HECW2: variants seen among roughly 807,000 people sequenced by gnomAD.
HECW2 encodes HECT, C2 and WW domain containing E3 ubiquitin protein ligase 2.
A neutral mutation model predicts 175.2 loss-of-function variants in HECW2; 61 were observed. The observed-to-expected ratio is 0.35, with a 90% CI of 0.28 to 0.43. HECW2 has a LOEUF of 0.43. HECW2 is among the 20% of genes least tolerant of loss of function. The pLI, the probability that HECW2 is intolerant of heterozygous loss-of-function variation, is 1.00. For synonymous variants in HECW2, 671 were observed against 731.0 expected (o/e 0.92, Z 1.32); for missense variants, 1,524 against 2,000.5 (o/e 0.76, Z 4.54).
intron 9 of HECW2, among the ~76,000 whole-genome samples, chr2:196,318,011 T>C (rs572502500): frequency 2.0e-5 from 3 of 152,198 alleles, no homozygotes; most frequent in Admixed American, 6.5e-5. Flanking sequence ...CTTTGATGCA[T>C]AGCATACATT....
intron 17 of HECW2, among the ~76,000 whole-genome samples, chr2:196,259,768 A>C (rs887408328): frequency 6.6e-6 from 1 of 152,204 alleles, no homozygotes; most frequent in African/African-American, 2.4e-5. Context: ...TTCTGATAAG[A>C]GATGTAAATG....
chr2:196,506,945 G>A (rs943119361), intron 1 of HECW2, among the ~76,000 whole-genome samples: 1 of 151,802 alleles, frequency 6.6e-6, no homozygotes, highest in African/African-American at 2.4e-5. Context: ...TATACAGAAA[G>A]GATTTTAAAG....
At chr2:196,581,555 T>C (rs13425913) in intron 1 of HECW2, among the ~76,000 whole-genome samples, 1 of 151,894 alleles carries the variant, frequency 6.6e-6, no homozygotes, top group African/African-American at 2.4e-5. Context: ...AAATAAAAGA[T>C]AAAAATAATA....
chr2:196,481,764 T>C (rs890927271), intron 1 of HECW2, among the ~76,000 whole-genome samples: 2 of 137,986 alleles, frequency 1.4e-5, no homozygotes, highest in African/African-American at 6.7e-5. Flanking sequence ...CTAAGCTATA[T>C]GGAAGACAAA....
intron 4 of HECW2, among the ~76,000 whole-genome samples, chr2:196,332,332 T>C (rs1692394630): frequency 1.3e-5 from 2 of 152,328 alleles, no homozygotes; most frequent in East Asian, 1.9e-4. Context: ...CATGCTATTA[T>C]AGAAACATAG....
chr2:196,378,032 G>A (rs556418836), intron 2 of HECW2, among the ~76,000 whole-genome samples: 6 of 152,290 alleles, frequency 3.9e-5, no homozygotes, highest in Non-Finnish European at 5.9e-5. Context: ...AGTTTTGCAC[G>A]TATTACTCTA....
At chr2:196,251,052 C>T (rs866665659) in intron 19 of HECW2, among the ~76,000 whole-genome samples, 92 of 152,174 alleles carry the variant, frequency 6.0e-4, no homozygotes, top group African/African-American at 1.1e-3. Context: ...GCCCTATCCC[C>T]CTTTTGAGAC....
Position 196,201,082 on chromosome 2 carries a change from C to A in HECW2, c.*195G>T. 1.9e-6 allele frequency: 1 copy of A among 535,132 alleles called. No individual in the cohort carries two copies. The highest frequency in any genetic ancestry group is 3.4e-6 in the Non-Finnish European group (1 of 293,646). 33.1% of individuals were successfully genotyped at this position (535,132 alleles called of 1,614,324 possible). On this transcript the variant is annotated 3_prime_UTR_variant, in exon 29 of 29. Coordinates refer to ENST00000644978, the MANE Select transcript of HECW2 (RefSeq NM_001348768.2). ...GACGGTTGGGTTGTTCCCTGGGCAT[C>A]AAGCTCACCCAAATCCTTCCAAGAG...
intron 1 of HECW2, among the ~76,000 whole-genome samples, chr2:196,491,795 C>A (rs1234219393): frequency 2.0e-5 from 3 of 151,810 alleles, no homozygotes; most frequent in Non-Finnish European, 4.4e-5. Flanking sequence ...GGTCTCAAAT[C>A]TAATCTCTTC....
chr2:196,395,724 A>G (rs1694643225), intron 2 of HECW2, among the ~76,000 whole-genome samples: 2 of 151,620 alleles, frequency 1.3e-5, no homozygotes, highest in Non-Finnish European at 2.9e-5. Flanking sequence ...TTAAAAAAAG[A>G]AAATCATAAA....
chr2:196,404,657 A>T (rs1467239533), intron 2 of HECW2, among the ~76,000 whole-genome samples: 1 of 152,092 alleles, frequency 6.6e-6, no homozygotes, highest in Non-Finnish European at 1.5e-5. Context: ...CACCAGTTCC[A>T]GTGCTCCCAC....
At chr2:196,515,999 T>C (rs1230068829) in intron 1 of HECW2, among the ~76,000 whole-genome samples, 1 of 150,200 alleles carries the variant, frequency 6.7e-6, no homozygotes, top group Non-Finnish European at 1.5e-5. Context: ...TAGTTGGACA[T>C]GGTGGCTCAT....
intron 18 of HECW2, 42 bp from the exon 19 acceptor site, chr2:196,254,071 T>C (rs746171960): frequency 6.2e-7 from 1 of 1,608,114 alleles, no homozygotes. Flanking sequence ...TCAGCCAAAG[T>C]AGTGGGGAAA....
At chr2:196,352,964 C>T (rs934270526) in intron 2 of HECW2, among the ~76,000 whole-genome samples, 3 of 152,226 alleles carry the variant, frequency 2.0e-5, no homozygotes, top group Admixed American at 2.0e-4. Context: ...AGAAACATGT[C>T]TCTCTTCTGT....
intron 2 of HECW2, among the ~76,000 whole-genome samples, chr2:196,391,164 C>A (rs534256533): frequency 1.3e-5 from 2 of 152,134 alleles, no homozygotes; most frequent in Non-Finnish European, 2.9e-5. Context: ...TATATAGTCT[C>A]TCTGCAGGTT....
chr2:196,568,190 G>C (rs1475811526), intron 1 of HECW2, among the ~76,000 whole-genome samples: 1 of 151,818 alleles, frequency 6.6e-6, no homozygotes, highest in Non-Finnish European at 1.5e-5. Context: ...TTAAAAATTT[G>C]GGAAAAAAGT....
chr2:196,555,783 T>C (rs1015629693), intron 1 of HECW2, among the ~76,000 whole-genome samples: 3 of 152,236 alleles, frequency 2.0e-5, no homozygotes, highest in Non-Finnish European at 2.9e-5. Flanking sequence ...TGGTTTTCCA[T>C]TGCTCTTACA....
chr2:196,478,932 G>A (rs563399986), intron 1 of HECW2, among the ~76,000 whole-genome samples: 1 of 152,270 alleles, frequency 6.6e-6, no homozygotes, highest in South Asian at 2.1e-4. Context: ...AGAAAGAAGA[G>A]GCCAAGCGGC....
chr2:196,516,902 T>C (rs913398989), intron 1 of HECW2, among the ~76,000 whole-genome samples: 7 of 152,288 alleles, frequency 4.6e-5, no homozygotes, highest in African/African-American at 1.4e-4. Context: ...CCAGGCAAAA[T>C]ATCCCATTCC....
Sources: allele counts gnomAD v4.1 joint callset (sites outside exome capture counted in the v4.1 genomes callset), GRCh38; gene constraint gnomAD v4.1.1; transcripts MANE v1.5; gene names NCBI Gene and HGNC (gene_info 2026-07-23, HGNC 2026-07-21).